The following OR52E5 variants were observed in gnomAD, a reference collection of about 807,000 sequenced individuals.
OR52E5 encodes the protein olfactory receptor 52E5.
chr11:5,898,310 T>A (rs1028162194), intron 2 of OR52E5, among the ~76,000 whole-genome samples: 1 of 152,180 alleles, frequency 6.6e-6, no homozygotes, highest in Admixed American at 6.6e-5. Context: ...CTTAATTATT[T>A]AAGTCCTTAT....
intron 2 of OR52E5, among the ~76,000 whole-genome samples, chr11:5,897,036 G>T (rs2134290710): frequency 6.6e-6 from 1 of 152,316 alleles, no homozygotes; most frequent in East Asian, 1.9e-4. Context: ...ATCGGATGCT[G>T]GGGCAGGGGA....
At chr11:5,896,783 T>C (rs1274218911) in intron 2 of OR52E5, among the ~76,000 whole-genome samples, 2 of 152,210 alleles carry the variant, frequency 1.3e-5, no homozygotes, top group East Asian at 3.8e-4. Flanking sequence ...AAATTACTAA[T>C]AGCAGTAGCT....
At chr11:5,894,327 T>C (rs1847144341) in intron 1 of OR52E5, among the ~76,000 whole-genome samples, 1 of 152,160 alleles carries the variant, frequency 6.6e-6, no homozygotes. Context: ...AGAAATGTCA[T>C]TTATAACAAG....
intron 2 of OR52E5, among the ~76,000 whole-genome samples, chr11:5,898,555 T>G (rs1847206827): frequency 6.6e-6 from 1 of 152,208 alleles, no homozygotes; most frequent in Non-Finnish European, 1.5e-5. Context: ...CTAGGTCTTT[T>G]AGGATTTTTG....
chr11:5,901,018 C>T lies in OR52E5; in HGVS notation c.242C>T (p.Pro81Leu). Residue 81 changes from proline (P) to leucine (L), a missense_variant, in exon 3 of 3, where the codon CCC becomes CTC. Physicochemically the swap from Pro to Leu is moderately conservative, Grantham distance 98. Transcript: ENST00000610445. ...CTGGGCTTGTCTACAGCAACCATCC[C>T]CAAGATGCTGGGAATTTTCTGGTTT... ...TDLGLSTATI[P>L]KMLGIFWFNL... The T allele has an allele frequency of 2.5e-6, 1 of 402,070 alleles. No homozygotes were observed. The allele number at this position is 402,070 out of a possible 1,614,324, so 24.9% of individuals were successfully genotyped here.
At position 5,901,293 on chromosome 11, in the gene OR52E5, G is replaced by T. The variant is rs1564998315; in HGVS notation, c.517G>T (p.Val173Phe). The change falls in exon 3 of 3, where the codon GTC (valine) becomes TTC (phenylalanine). Residue 173 changes from valine (V) to phenylalanine (F), a missense_variant. Val to Phe is a conservative substitution (Grantham distance 50). Coordinates refer to ENST00000610445, the MANE Select transcript of OR52E5 (RefSeq NM_001005166.5). ...FLILRLPFCGVRIIPHTYCEH... is the reference protein window; with the variant it reads ...FLILRLPFCGFRIIPHTYCEH... ...CATCCTGAGATTGCCTTTCTGTGGT[G>T]TCCGGATTATCCCTCATACCTATTG... is the stretch of plus-strand genomic sequence containing the variant. 1.5e-5 allele frequency: 6 copies of T among 401,654 alleles called. No homozygotes were observed. The highest frequency in any genetic ancestry group is 2.7e-5 in the Non-Finnish European group (6 of 226,410). The allele number at this position is 401,654 out of a possible 1,614,324, so 24.9% of individuals were successfully genotyped here. A position where few individuals can be genotyped will look rare whatever the true frequency, so the allele number is the denominator to read the frequency against.
At chr11:5,897,670 T>C (rs1410792159) in intron 2 of OR52E5, among the ~76,000 whole-genome samples, 2 of 152,222 alleles carry the variant, frequency 1.3e-5, no homozygotes, top group Non-Finnish European at 2.9e-5. Context: ...TAATGATAGT[T>C]CTATTTTTAG....
chr11:5,895,557 C>T (rs1181199606), intron 1 of OR52E5, 75 bp from the exon 2 acceptor site: 1 of 152,100 alleles, frequency 6.6e-6, no homozygotes, highest in Non-Finnish European at 1.5e-5. Context: ...GATATATAAC[C>T]TCTATTTTTT....
rs930568022 is a variant in OR52E5, at chr11:5,902,388, T to A, written c.*628T>A. The A allele has an allele frequency of 1.3e-5, 2 of 152,288 alleles. No homozygotes were observed. Among genetic ancestry groups the A allele is most frequent in the South Asian group, 2.1e-4 (1 of 4,834 alleles). The allele number at this position is 152,288 out of a possible 1,614,324, so 9.4% of individuals were successfully genotyped here. A position where few individuals can be genotyped will look rare whatever the true frequency, so the allele number is the denominator to read the frequency against. ...ACATAATTATAGTGTAATTGTTATT[T>A]CTAATGTATGTAGATTTCATTTACT... On this transcript the variant is annotated 3_prime_UTR_variant, in exon 3 of 3. Transcript: ENST00000610445.
At chr11:5,894,308 T>C (rs1847144045) in intron 1 of OR52E5, among the ~76,000 whole-genome samples, 2 of 152,126 alleles carry the variant, frequency 1.3e-5, no homozygotes, top group Admixed American at 1.3e-4. Flanking sequence ...TGGTCTTAGT[T>C]AGTGTCCAAG....
chr11:5,900,552 T>A (rs10838799), intron 2 of OR52E5, 80 bp from the exon 3 acceptor site: 33,521 of 365,486 alleles, frequency 0.092, 1,810 homozygotes, highest in East Asian at 0.18. Flanking sequence ...GGAAACTTTC[T>A]GCATGGTTTC....
At chr11:5,893,762 C>G (rs2134285980) in intron 1 of OR52E5, among the ~76,000 whole-genome samples, 1 of 152,164 alleles carries the variant, frequency 6.6e-6, no homozygotes, top group South Asian at 2.1e-4. Flanking sequence ...CATGTCGCAT[C>G]ACACAGTGTG....
chr11:5,899,297 T>C (rs940841558), intron 2 of OR52E5, among the ~76,000 whole-genome samples: 4 of 152,164 alleles, frequency 2.6e-5, no homozygotes, highest in African/African-American at 4.8e-5. Flanking sequence ...AACTTTCCTA[T>C]AATCAGATCC....
chr11:5,896,108 TATAA>T (rs1847170220), intron 2 of OR52E5, among the ~76,000 whole-genome samples: 1 of 151,444 alleles, frequency 6.6e-6, no homozygotes, highest in Non-Finnish European at 1.5e-5. Context: ...TAGGTAGGAA[TATAA>T]ATAGAGATTT....
intron 1 of OR52E5, among the ~76,000 whole-genome samples, chr11:5,894,777 A>AAG (rs927842821): frequency 8.5e-5 from 13 of 152,156 alleles, no homozygotes; most frequent in Non-Finnish European, 1.9e-4. Flanking sequence ...TTTTTCTATA[A>AAG]AGAGAGAGAG....
intron 2 of OR52E5, among the ~76,000 whole-genome samples, chr11:5,897,139 T>C (rs1590402783): frequency 6.6e-6 from 1 of 152,314 alleles, no homozygotes; most frequent in Middle Eastern, 3.4e-3. Context: ...ATAACTTTTT[T>C]ATTTTTAGAC....
In OR52E5 at chr11:5,901,704, A is replaced by C; in HGVS notation, c.928A>C (p.Ser310Arg). Residue 310 changes from serine to arginine, a missense_variant, in exon 3 of 3, where the codon AGC becomes CGC. Coordinates refer to ENST00000610445, the MANE Select transcript of OR52E5 (RefSeq NM_001005166.5). ...EQVLRILNPK[S>R]FWHFDPKRIF... The stretch of plus-strand genomic sequence containing the variant: ...GGTACTTAGGATACTCAACCCTAAA[A>C]GCTTTTGGCATTTTGACCCCAAGAG... 1 of 401,032 alleles carries C rather than the reference A, an allele frequency of 2.5e-6. No homozygotes were observed. The highest frequency in any genetic ancestry group is 3.1e-4 in the Middle Eastern group (1 of 3,212). The allele number at this position is 401,032 out of a possible 1,614,324, so 24.8% of individuals were successfully genotyped here. A position where few individuals can be genotyped will look rare whatever the true frequency, so the allele number is the denominator to read the frequency against.
chr11:5,896,185 G>A (rs1464344270), intron 2 of OR52E5, among the ~76,000 whole-genome samples: 1 of 143,806 alleles, frequency 7.0e-6, no homozygotes, highest in East Asian at 2.1e-4. Flanking sequence ...AGCAGATCAC[G>A]AGGTCAGGAG....
chr11:5,894,786 A>AGAGT (rs1847151384), intron 1 of OR52E5, among the ~76,000 whole-genome samples: 1 of 152,076 alleles, frequency 6.6e-6, no homozygotes, highest in Non-Finnish European at 1.5e-5. Flanking sequence ...AAAGAGAGAG[A>AGAGT]GAGTTAATAT....
Sources: allele counts gnomAD v4.1 joint callset (sites outside exome capture counted in the v4.1 genomes callset), GRCh38; gene constraint gnomAD v4.1.1; transcripts MANE v1.5; gene names NCBI Gene and HGNC (gene_info 2026-07-23, HGNC 2026-07-21).